OSBP: variants seen among roughly 807,000 people sequenced by gnomAD.
The protein encoded by OSBP is oxysterol binding protein.
In OSBP, 32 loss-of-function variants were observed where a neutral mutation model predicts 96.6. The ratio of observed to expected loss-of-function variants is 0.33; its 90% CI spans 0.25 to 0.45. The LOEUF is 0.45. Among genes scored for constraint, OSBP ranks in the 20% least tolerant of loss-of-function variants. The pLI is 1.00. For missense variants in OSBP, 653 were observed against 1,029.7 expected, an observed-to-expected ratio of 0.63 and a Z score of 5.01; for synonymous variants, 369 against 389.6, an observed-to-expected ratio of 0.95 and a Z score of 0.62.
chr11:59,615,646 T>G lies in OSBP; in HGVS notation c.19A>C (p.Arg7=). MAATEL[R]GVVGPGPAAI... ...GCCGGGCCTGGCCCCACCACTCCTCTCAGCTCCGTCGCCGCCATGAGCCGC... is the reference window on the plus strand; with the variant it reads ...GCCGGGCCTGGCCCCACCACTCCTCGCAGCTCCGTCGCCGCCATGAGCCGC... The change falls in exon 1 of 14, where the codon AGA becomes CGA. Residue 7 remains arginine (R), a synonymous_variant. Coordinates refer to ENST00000263847, the MANE Select transcript of OSBP (RefSeq NM_002556.3). 7.3e-7 allele frequency: 1 copy of G among 1,360,848 alleles called. No homozygotes were observed. Among genetic ancestry groups the G allele is most frequent in the Non-Finnish European group, 9.5e-7 (1 of 1,057,104 alleles). 84.3% of individuals were successfully genotyped at this position (1,360,848 alleles called of 1,614,324 possible).
Position 59,610,546 on chromosome 11 carries a change from GGT to G in OSBP, c.404_405del (p.Asn135ThrfsTer29). The G allele has an allele frequency of 6.2e-7, 1 of 1,614,198 alleles. No individual in the cohort carries two copies. The highest frequency in any genetic ancestry group is 8.5e-7 in the Non-Finnish European group (1 of 1,180,016). On this transcript the variant is annotated frameshift_variant, in exon 2 of 14. Coordinates refer to ENST00000263847, the MANE Select transcript of OSBP (RefSeq NM_002556.3). LOFTEE classifies it high-confidence loss of function. ...EMRHTCRGTI[N>X]LATANITVED... is the part of the protein sequence containing the mutation. The stretch of plus-strand genomic sequence containing the variant: ...TCCACGGTGATGTTGGCTGTGGCGA[GGT>G]TGATGGTACCACGGCAGGTATGTCT...
chr11:59,593,576 T>C (rs1860611627), intron 9 of OSBP, 28 bp downstream of exon 9: 2 of 1,612,920 alleles, frequency 1.2e-6, no homozygotes, highest in Admixed American at 1.7e-5. Flanking sequence ...TCCAGGAGCA[T>C]TAATTCTGAC....
rs373171037 is a variant in OSBP at position 59,608,588 on chromosome 11, T to C, written c.718A>G (p.Ser240Gly). ...GGCAACTTCAGGGACTCCAGCTCACTGAGAGAACGCTGCAGAGCTGTGCCA... is the reference window on the plus strand; with the variant it reads ...GGCAACTTCAGGGACTCCAGCTCACCGAGAGAACGCTGCAGAGCTGTGCCA... ...KHGTALQRSL[S>G]ELESLKLPAE... Residue 240 changes from serine (S) to glycine (G), a missense_variant, in exon 3 of 14, where the codon AGT (serine) becomes GGT (glycine). Physicochemically the swap from Ser to Gly is moderately conservative, Grantham distance 56. This residue lies in a region of OSBP where 308 missense variants were observed against 573.1 expected (regional missense o/e 0.54). Coordinates refer to ENST00000263847, the MANE Select transcript of OSBP (RefSeq NM_002556.3). 3 of 1,614,068 alleles carry C rather than the reference T, an allele frequency of 1.9e-6. No homozygotes were observed. Among genetic ancestry groups the C allele is most frequent in the African/African-American group, 1.3e-5 (1 of 74,926 alleles).
At chr11:59,606,464 T>C (rs111436555) in intron 3 of OSBP, among the ~76,000 whole-genome samples, 1 of 149,124 alleles carries the variant, frequency 6.7e-6, no homozygotes, top group Non-Finnish European at 1.5e-5. Flanking sequence ...TTCTCACTTA[T>C]AAGTGGGAGC....
At chr11:59,612,611 C>T (rs185917688) in intron 1 of OSBP, among the ~76,000 whole-genome samples, 25 of 152,194 alleles carry the variant, frequency 1.6e-4, no homozygotes, top group Admixed American at 9.8e-4. Flanking sequence ...GACTTGATCT[C>T]GGAGCTCTTG....
chr11:59,614,217 T>G (rs921338757), intron 1 of OSBP, among the ~76,000 whole-genome samples: 1 of 152,232 alleles, frequency 6.6e-6, no homozygotes, highest in Non-Finnish European at 1.5e-5. Context: ...GTTAGATTAG[T>G]GTGAACAGAA....
Position 59,615,683 on chromosome 11 carries a change from G to C in OSBP, c.-19C>G. 1 of 1,304,290 alleles carries C rather than the reference G, an allele frequency of 7.7e-7. No individual in the cohort carries two copies. The highest frequency in any genetic ancestry group is 9.7e-7 in the Non-Finnish European group (1 of 1,027,556). The allele number at this position is 1,304,290 out of a possible 1,614,324, so 80.8% of individuals were successfully genotyped here. A position where few individuals can be genotyped will look rare whatever the true frequency, so the allele number is the denominator to read the frequency against. ...CCGCCATGAGCCGCCGCCGCCTGGAGATACAAGACCGGAACCGCCTACGAG... is the reference window on the plus strand; with the variant it reads ...CCGCCATGAGCCGCCGCCGCCTGGACATACAAGACCGGAACCGCCTACGAG... On this transcript the variant is annotated 5_prime_UTR_variant, in exon 1 of 14. In the 5' UTR this introduces an upstream ATG that the reference lacks. Coordinates refer to ENST00000263847, the MANE Select transcript of OSBP (RefSeq NM_002556.3).
In OSBP at chr11:59,605,152, C is replaced by CA. The variant is rs201205433; in HGVS notation, c.823-3315dup. On this transcript the variant is annotated intron_variant, in intron 3 of 13. Transcript: ENST00000263847. ...TGGGTGACAAAGCGAGACTCTGTCTCAAAAAAAAAGAAAAAAATTATGACT... is the reference window on the plus strand; with the variant it reads ...TGGGTGACAAAGCGAGACTCTGTCTCAAAAAAAAAAGAAAAAAATTATGACT... 6.5e-3 allele frequency among the ~76,000 whole-genome samples: 970 copies of CA among 149,592 alleles called. 12 individuals are homozygous for CA. The highest frequency in any genetic ancestry group is 0.023 in the African/African-American group (924 of 40,738).
At chr11:59,595,491 TC>T (rs1039129281) in intron 7 of OSBP, among the ~76,000 whole-genome samples, 1 of 152,018 alleles carries the variant, frequency 6.6e-6, no homozygotes, top group African/African-American at 2.4e-5. Flanking sequence ...ATATTTGCTA[TC>T]CCCCCACCGC....
chr11:59,599,784 G>A (rs1860697265), intron 7 of OSBP, among the ~76,000 whole-genome samples: 1 of 152,182 alleles, frequency 6.6e-6, no homozygotes, highest in African/African-American at 2.4e-5. Flanking sequence ...ATGCCCTGAG[G>A]GAAAGGACAG....
At chr11:59,609,021 G>T (rs1860815116) in intron 2 of OSBP, among the ~76,000 whole-genome samples, 1 of 152,162 alleles carries the variant, frequency 6.6e-6, no homozygotes, top group Admixed American at 6.6e-5. Context: ...CTAATAAGCT[G>T]CCCAGGTAAC....
At chr11:59,578,042 C>T in intron 12 of OSBP, 107 bp downstream of exon 12, 1 of 1,027,936 alleles carries the variant, frequency 9.7e-7, no homozygotes, top group Non-Finnish European at 1.5e-6. Context: ...ATTTCCCTTG[C>T]TCAATTCCCC....
At chr11:59,578,351 G>A in intron 11 of OSBP, 21 bp from the exon 12 acceptor site, 1 of 1,610,806 alleles carries the variant, frequency 6.2e-7, no homozygotes, top group African/African-American at 1.3e-5. Context: ...GGAGAACAGG[G>A]CTTGGCTATA....
chr11:59,606,518 A>C (rs1860783034), intron 3 of OSBP, among the ~76,000 whole-genome samples: 2 of 152,014 alleles, frequency 1.3e-5, no homozygotes, highest in Non-Finnish European at 2.9e-5. Flanking sequence ...AACAATAAAC[A>C]CTAGGGATTC....
chr11:59,599,222 A>T (rs1193618749), intron 7 of OSBP, among the ~76,000 whole-genome samples: 2 of 152,242 alleles, frequency 1.3e-5, no homozygotes, highest in Non-Finnish European at 2.9e-5. Flanking sequence ...CACTGCTGTT[A>T]TAGGATGAAA....
rs992458081 is a variant in OSBP at position 59,615,769 on chromosome 11, G to A, written c.-105C>T. ...ACCGCATCAGCCACCGCCGCGCAGCGTCCCCGCCCCGCCCGGCCAGCCGCG... is the reference window on the plus strand; with the variant it reads ...ACCGCATCAGCCACCGCCGCGCAGCATCCCCGCCCCGCCCGGCCAGCCGCG... On this transcript the variant is annotated 5_prime_UTR_variant, in exon 1 of 14. The change creates a new upstream start codon in the 5' untranslated region. Transcript: ENST00000263847. 58 of 1,209,850 alleles carry A rather than the reference G, an allele frequency of 4.8e-5. No individual in the cohort carries two copies. In the African/African-American group the frequency reaches 5.9e-4, roughly 12 times the overall value. The allele number at this position is 1,209,850 out of a possible 1,614,324, so 74.9% of individuals were successfully genotyped here. A position where few individuals can be genotyped will look rare whatever the true frequency, so the allele number is the denominator to read the frequency against.
At position 59,574,497 on chromosome 11, in the gene OSBP, A is replaced by G. The variant is rs1247157855; in HGVS notation, c.*2080T>C. 1 of 152,362 alleles carries G rather than the reference A, an allele frequency of 6.6e-6. No homozygotes were observed. 9.4% of individuals were successfully genotyped at this position (152,362 alleles called of 1,614,324 possible). A position where few individuals can be genotyped will look rare whatever the true frequency, so the allele number is the denominator to read the frequency against. ...ATATATATAGTTGTGTTTTGTTTTCATGTGACTTTATTCCACCTGAAAGAT... is the reference window on the plus strand; with the variant it reads ...ATATATATAGTTGTGTTTTGTTTTCGTGTGACTTTATTCCACCTGAAAGAT... On this transcript the variant is annotated 3_prime_UTR_variant, in exon 14 of 14. Coordinates refer to ENST00000263847, the MANE Select transcript of OSBP (RefSeq NM_002556.3).
chr11:59,601,645 C>T lies in OSBP; in HGVS notation c.1016G>A (p.Gly339Asp). ...PANTPGNVGS[G>D]KDQCCSGKGD... ...CTGAGAGCTAAGTGTCTTACCTTTA[C>T]CAGAACCCACATTGCCAGGAGTGTT... The change falls in exon 4 of 14, where the codon GGT (glycine) becomes GAT (aspartate). Residue 339 changes from glycine to aspartate, a missense_variant. Physicochemically the swap from Gly to Asp is moderately conservative, Grantham distance 94. Around this residue, in one of 6 missense-constraint regions of OSBP, gnomAD observed 308 missense variants for 573.1 expected, o/e 0.54. Transcript: ENST00000263847. The T allele has an allele frequency of 6.2e-7, 1 of 1,612,556 alleles. No individual in the cohort carries two copies. Among genetic ancestry groups the T allele is most frequent in the Non-Finnish European group, 8.5e-7 (1 of 1,179,972 alleles).
At chr11:59,596,027 C>T (rs773615743) in intron 7 of OSBP, among the ~76,000 whole-genome samples, 1 of 151,694 alleles carries the variant, frequency 6.6e-6, no homozygotes, top group Non-Finnish European at 1.5e-5. Context: ...TGCTTTTTCT[C>T]TGAGAAATAT....
Sources: allele counts gnomAD v4.1 joint callset (sites outside exome capture counted in the v4.1 genomes callset), GRCh38; gene constraint gnomAD v4.1.1; regional missense constraint gnomAD v4.1.1; transcripts MANE v1.5; gene names NCBI Gene and HGNC (gene_info 2026-07-23, HGNC 2026-07-21).